PHF24: variants seen among roughly 807,000 people sequenced by gnomAD.
PHF24 encodes the protein PHD finger protein 24.
PHF24 carries 25 observed loss-of-function variants against 42.6 expected under a neutral mutation model. The ratio of observed to expected loss-of-function variants is 0.59; its 90% CI spans 0.43 to 0.82. The LOEUF is 0.82. PHF24 is among the 40% of genes least tolerant of loss of function. The pLI, the probability that PHF24 is intolerant of heterozygous loss-of-function variation, is 0.00. For synonymous variants in PHF24, 185 were observed against 204.8 expected (o/e 0.90, Z 0.83); for missense variants, 470 against 538.1 (o/e 0.87, Z 1.25).
the PHF24 span, among the ~76,000 whole-genome samples, chr9:34,769,551 G>A: frequency 1.3e-5 from 2 of 152,262 alleles, no homozygotes; most frequent in Admixed American, 1.3e-4. Context: ...TGGTTAGGGG[G>A]CCCAATTAGA....
chr9:34,942,005 G>T, the PHF24 span, among the ~76,000 whole-genome samples: 2 of 152,292 alleles, frequency 1.3e-5, no homozygotes, highest in Non-Finnish European at 2.9e-5. Context: ...GCACACCATT[G>T]GTCTCTATTG....
At chr9:34,874,067 G>A in the PHF24 span, among the ~76,000 whole-genome samples, 1 of 152,156 alleles carries the variant, frequency 6.6e-6, no homozygotes, top group Non-Finnish European at 1.5e-5. Context: ...CTTTGCTGAA[G>A]TTGCTTATCA....
the PHF24 span, among the ~76,000 whole-genome samples, chr9:34,849,161 A>C: frequency 2.6e-5 from 4 of 151,798 alleles, no homozygotes; most frequent in African/African-American, 9.7e-5. Flanking sequence ...ATCCTTGTTA[A>C]CTTTCTGTCT....
At chr9:34,876,483 A>C in the PHF24 span, among the ~76,000 whole-genome samples, 1 of 152,170 alleles carries the variant, frequency 6.6e-6, no homozygotes. Context: ...CATAGTCAAC[A>C]ACAAAAATCT....
At chr9:34,762,845 T>C in the PHF24 span, among the ~76,000 whole-genome samples, 4 of 152,208 alleles carry the variant, frequency 2.6e-5, no homozygotes, top group Admixed American at 2.0e-4. Context: ...AACGTTTAAG[T>C]CTTTAATCCA....
the PHF24 span, chr9:34,709,848 C>T: frequency 1.2e-6 from 2 of 1,614,104 alleles, no homozygotes; most frequent in East Asian, 4.5e-5. Flanking sequence ...TGGCGGGAAT[C>T]TTCCTTTGGC....
chr9:34,727,910 G>A, the PHF24 span: 2 of 990,948 alleles, frequency 2.0e-6, no homozygotes, highest in Non-Finnish European at 3.0e-6. Flanking sequence ...CTTCCACTGT[G>A]TATGTCTCCC....
At chr9:34,935,585 C>T in the PHF24 span, among the ~76,000 whole-genome samples, 1 of 104,584 alleles carries the variant, frequency 9.6e-6, no homozygotes, top group African/African-American at 3.7e-5. Context: ...CAGAGCGAGA[C>T]TTCATCTGAA....
chr9:34,826,429 G>A, the PHF24 span, among the ~76,000 whole-genome samples: 1 of 152,300 alleles, frequency 6.6e-6, no homozygotes, highest in East Asian at 1.9e-4. Context: ...ATTCGGCCCT[G>A]GTTGTCTGGT....
the PHF24 span, among the ~76,000 whole-genome samples, chr9:34,768,908 G>T: frequency 2.0e-5 from 3 of 151,920 alleles, no homozygotes; most frequent in Non-Finnish European, 2.9e-5. Flanking sequence ...GAGAGAGAGA[G>T]AGAGGGAGAG....
chr9:34,886,040 A>G, the PHF24 span, among the ~76,000 whole-genome samples: 3 of 151,464 alleles, frequency 2.0e-5, no homozygotes, highest in Admixed American at 6.6e-5. Context: ...CTAATCCATT[A>G]TCTCCTCCAT....
the PHF24 span, among the ~76,000 whole-genome samples, chr9:34,944,053 C>A: frequency 3.3e-5 from 5 of 152,196 alleles, no homozygotes; most frequent in Non-Finnish European, 7.3e-5. Flanking sequence ...CTTTCCTCAG[C>A]CTCTTTATTT....
At chr9:34,751,896 A>G in the PHF24 span, among the ~76,000 whole-genome samples, 63 of 152,298 alleles carry the variant, frequency 4.1e-4, no homozygotes, top group African/African-American at 1.4e-3. Flanking sequence ...ATAACAAGAG[A>G]AAATTTGGAA....
the PHF24 span, chr9:34,690,061 C>A: frequency 6.3e-7 from 1 of 1,599,996 alleles, no homozygotes; most frequent in South Asian, 1.1e-5. Context: ...GCCCCAGAAT[C>A]CAGCATGCCT....
the PHF24 span, among the ~76,000 whole-genome samples, chr9:34,790,019 AT>A: frequency 4.0e-5 from 6 of 151,134 alleles, 1 homozygote; most frequent in South Asian, 2.1e-4. Flanking sequence ...GCTAATTTTA[AT>A]TTTTTTTTGT....
the PHF24 span, among the ~76,000 whole-genome samples, chr9:34,705,059 A>AT: frequency 0.013 from 1,918 of 144,848 alleles, 24 homozygotes; most frequent in Admixed American, 0.028. Flanking sequence ...CATCTTTAGG[A>AT]TTTTTTTTTT....
the PHF24 span, among the ~76,000 whole-genome samples, chr9:34,702,378 G>C: frequency 2.0e-5 from 3 of 152,176 alleles, no homozygotes; most frequent in Non-Finnish European, 4.4e-5. Context: ...CCGAGCAGAA[G>C]CTGGCGCTGG....
chr9:34,788,174 A>T, the PHF24 span, among the ~76,000 whole-genome samples: 1 of 151,962 alleles, frequency 6.6e-6, no homozygotes, highest in Non-Finnish European at 1.5e-5. Context: ...AGTAGCTGGG[A>T]CTACAGGTGT....
At chr9:34,774,492 CTGGGT>C in the PHF24 span, among the ~76,000 whole-genome samples, 1 of 152,118 alleles carries the variant, frequency 6.6e-6, no homozygotes, top group Non-Finnish European at 1.5e-5. Flanking sequence ...GCCAAACCAG[CTGGGT>C]GTGGTGGTTT....
Sources: gnomAD v4.1 joint callset for allele counts (sites outside exome capture counted in the v4.1 genomes callset) on GRCh38, gnomAD v4.1.1 for gene constraint, MANE v1.5 for transcripts, NCBI Gene and HGNC (gene_info 2026-07-23, HGNC 2026-07-21) for gene names.